Variants in ZSCAN26 observed in about 807,000 individuals in gnomAD.
The protein encoded by ZSCAN26 is zinc finger and SCAN domain-containing protein 26.
ZSCAN26 carries 26 observed loss-of-function variants against 23.0 expected under a neutral mutation model. The ratio of observed to expected loss-of-function variants is 1.13; its 90% CI spans 0.83 to 1.57. The LOEUF (loss-of-function observed/expected upper bound fraction) is 1.57. ZSCAN26 is among the 40% of genes most tolerant of loss of function. ZSCAN26 has a pLI of 0.00. For missense variants in ZSCAN26, 528 were observed against 568.5 expected, an observed-to-expected ratio of 0.93 and a Z score of 0.72; for synonymous variants, 180 against 202.5, an observed-to-expected ratio of 0.89 and a Z score of 0.94.
chr6:28,269,995 G>A (rs1761617279), intron 1 of ZSCAN26, among the ~76,000 whole-genome samples: 2 of 152,100 alleles, frequency 1.3e-5, no homozygotes, highest in Non-Finnish European at 2.9e-5. Flanking sequence ...CCAGGCTGGA[G>A]TGCAGTGGTG....
rs776209508 is a variant in ZSCAN26, at chr6:28,272,283, G to A, written c.364G>A (p.Val122Met). The change falls in exon 2 of 4, where the codon GTG becomes ATG. Residue 122 changes from valine to methionine, a missense_variant. Transcript: ENST00000421553. Reference sequence around the variant, plus strand: ...GCATCACCCAGAGAGCAGGGAGGACGTGGTTGTTGTTCTGGAGGATTTGCA... The same window carrying A: ...GCATCACCCAGAGAGCAGGGAGGACATGGTTGTTGTTCTGGAGGATTTGCA... ...QEHHPESRED[V>M]VVVLEDLQLD... 15 of 1,595,142 alleles carry A rather than the reference G, an allele frequency of 9.4e-6. No homozygotes were observed. Among genetic ancestry groups the A allele is most frequent in the Middle Eastern group, 1.7e-4 (1 of 6,014 alleles).
At position 28,277,091 on chromosome 6, in the gene ZSCAN26, G is replaced by A. The variant is rs765548403; in HGVS notation, c.1435G>A (p.Ala479Thr). ...HQRYHHKDKL[A>T] ...GAGATATCACCACAAAGACAAACTG[G>A]CTTGATGAGGTGTTCTCTCCTTGTA... Residue 479 changes from alanine (A) to threonine (T), a missense_variant, in exon 4 of 4, where the codon GCT (alanine) becomes ACT (threonine). Physicochemically the swap from Ala to Thr is moderately conservative, Grantham distance 58. Transcript: ENST00000421553. 1.2e-6 allele frequency: 2 copies of A among 1,611,472 alleles called. No homozygotes were observed. The highest frequency in any genetic ancestry group is 1.7e-6 in the Non-Finnish European group (2 of 1,179,090).
At chr6:28,272,825 G>A in intron 3 of ZSCAN26, 38 bp downstream of exon 3, 1 of 1,550,460 alleles carries the variant, frequency 6.4e-7, no homozygotes, top group South Asian at 1.1e-5. Flanking sequence ...GTGAGACGTG[G>A]TGGACTGTGC....
rs767081773 is a variant in ZSCAN26, at chr6:28,276,317, AG to A, written c.663del (p.Arg221SerfsTer27). On this transcript the variant is annotated frameshift_variant, in exon 4 of 4. Coordinates refer to ENST00000421553, the MANE Select transcript of ZSCAN26 (RefSeq NM_001023560.4). LOFTEE classifies it low-confidence loss of function (END_TRUNC). Reference protein sequence around the residue: ...EAHNEGSNLERHQAKPKEKIE... With the variant: ...EAHNEGSNLEXHQAKPKEKIE... Reference sequence around the variant, plus strand: ...TCATAATGAGGGCTCTAACTTGGAAAGGCATCAGGCCAAGCCCAAAGAGAAG... The same window carrying A: ...TCATAATGAGGGCTCTAACTTGGAAAGCATCAGGCCAAGCCCAAAGAGAAG... 1 of 1,613,914 alleles carries A rather than the reference AG, an allele frequency of 6.2e-7. No individual in the cohort carries two copies.
rs1207611202 is a variant in ZSCAN26 at position 28,277,445 on chromosome 6, G to T, written c.*349G>T. 4.2e-6 allele frequency: 1 copy of T among 238,468 alleles called. No homozygotes were observed. Among genetic ancestry groups the T allele is most frequent in the African/African-American group, 2.3e-5 (1 of 44,218 alleles). 14.8% of individuals were successfully genotyped at this position (238,468 alleles called of 1,614,324 possible). The stretch of plus-strand genomic sequence containing the variant: ...GAATCAAGTGCCCACAGATTTGCAG[G>T]CTTAAGCAGAACAAGGGAAGATTGA... On this transcript the variant is annotated 3_prime_UTR_variant, in exon 4 of 4. Coordinates refer to ENST00000421553, the MANE Select transcript of ZSCAN26 (RefSeq NM_001023560.4).
At chr6:28,274,601 G>A (rs996841097) in intron 3 of ZSCAN26, among the ~76,000 whole-genome samples, 3 of 152,156 alleles carry the variant, frequency 2.0e-5, no homozygotes, top group Non-Finnish European at 4.4e-5. Flanking sequence ...ATAGCTAGGC[G>A]TGGTGGCATG....
intron 1 of ZSCAN26, among the ~76,000 whole-genome samples, chr6:28,271,166 T>C (rs916331103): frequency 6.6e-6 from 1 of 152,164 alleles, no homozygotes; most frequent in Admixed American, 6.5e-5. Flanking sequence ...TATTGTCTTT[T>C]TTCTCCTCCT....
chr6:28,277,465 G>T lies in ZSCAN26; in HGVS notation c.*369G>T, dbSNP rs1581621149. On this transcript the variant is annotated 3_prime_UTR_variant, in exon 4 of 4. Transcript: ENST00000421553. ...TGCAGGCTTAAGCAGAACAAGGGAA[G>T]ATTGATATTTTTGGATATGCTATAG... 9.8e-6 allele frequency: 2 copies of T among 203,404 alleles called. No individual in the cohort carries two copies. Among genetic ancestry groups the T allele is most frequent in the East Asian group, 2.3e-4 (2 of 8,536 alleles). The allele number at this position is 203,404 out of a possible 1,614,324, so 12.6% of individuals were successfully genotyped here.
In ZSCAN26 at chr6:28,272,769, A is replaced by G. The variant is rs2113719898; in HGVS notation, c.520A>G (p.Lys174Glu). ...QQVRHECEVTKPEKEKGEETR... is the reference protein window; with the variant it reads ...QQVRHECEVTEPEKEKGEETR... The stretch of plus-strand genomic sequence containing the variant: ...GGTTCGGCATGAGTGTGAAGTTACA[A>G]AGCCTGAGAAAGAGAAGGGTAAGAA... The change falls in exon 3 of 4, where the codon AAG becomes GAG. Residue 174 changes from lysine (K) to glutamate (E), a missense_variant. By Grantham distance (56) the Lys-to-Glu change is moderately conservative. Transcript: ENST00000421553. The G allele has an allele frequency of 4.3e-6, 7 of 1,613,092 alleles. No individual in the cohort carries two copies. Among genetic ancestry groups the G allele is most frequent in the Non-Finnish European group, 4.2e-6 (5 of 1,179,494 alleles).
intron 3 of ZSCAN26, among the ~76,000 whole-genome samples, chr6:28,273,543 AAAAC>A (rs936926016): frequency 2.8e-5 from 4 of 144,320 alleles, no homozygotes; most frequent in Non-Finnish European, 6.0e-5. Context: ...TCTGTCTCAA[AAAAC>A]AAACAAACAA....
rs1228633845 is a variant in ZSCAN26 at position 28,272,142 on chromosome 6, C to A, written c.223C>A (p.Leu75Ile). 6.2e-7 allele frequency: 1 copy of A among 1,612,280 alleles called. No individual in the cohort carries two copies. Among genetic ancestry groups the A allele is most frequent in the Non-Finnish European group, 8.5e-7 (1 of 1,179,228 alleles). The change falls in exon 2 of 4, where the codon CTC becomes ATC. Residue 75 changes from leucine to isoleucine, a missense_variant. Transcript: ENST00000421553. ...PREALSRLRE[L>I]CQQWLQPETH... ...AGAAGCACTAAGTCGGCTCCGGGAG[C>A]TCTGTCAACAGTGGCTACAGCCCGA...
In ZSCAN26 at chr6:28,277,630, C is replaced by T. The variant is rs1327857757; in HGVS notation, c.*534C>T. On this transcript the variant is annotated 3_prime_UTR_variant, in exon 4 of 4. Transcript: ENST00000421553. Reference sequence around the variant, plus strand: ...CTCCCACTGGCCTTACCCCTTCCTTCCCCAGTGGAAGCATTTTCAAAAGCA... The same window carrying T: ...CTCCCACTGGCCTTACCCCTTCCTTTCCCAGTGGAAGCATTTTCAAAAGCA... 1 of 152,268 alleles carries T rather than the reference C, an allele frequency of 6.6e-6. No homozygotes were observed. The highest frequency in any genetic ancestry group is 1.5e-5 in the Non-Finnish European group (1 of 68,072). The allele number at this position is 152,268 out of a possible 1,614,324, so 9.4% of individuals were successfully genotyped here.
In ZSCAN26 at chr6:28,277,215, G is replaced by C. The variant is rs1581620832; in HGVS notation, c.*119G>C. 1 of 988,886 alleles carries C rather than the reference G, an allele frequency of 1.0e-6. No homozygotes were observed. The highest frequency in any genetic ancestry group is 1.5e-6 in the Non-Finnish European group (1 of 672,124). The allele number at this position is 988,886 out of a possible 1,614,324, so 61.3% of individuals were successfully genotyped here. A position where few individuals can be genotyped will look rare whatever the true frequency, so the allele number is the denominator to read the frequency against. ...AAAATTCTTGGGGGCTGAGTTGGAG[G>C]CTCCCTGCCTCTATTCTCTCTCCTT... is the stretch of plus-strand genomic sequence containing the variant. On this transcript the variant is annotated 3_prime_UTR_variant, in exon 4 of 4. Coordinates refer to ENST00000421553, the MANE Select transcript of ZSCAN26 (RefSeq NM_001023560.4).
chr6:28,272,129 T>A lies in ZSCAN26; in HGVS notation c.210T>A (p.Ser70Arg). The A allele has an allele frequency of 6.2e-7, 1 of 1,607,772 alleles. No individual in the cohort carries two copies. ...CCACAGGACCTCGAGAAGCACTAAG[T>A]CGGCTCCGGGAGCTCTGTCAACAGT... ...EETTGPREAL[S>R]RLRELCQQWL... is the part of the protein sequence containing the mutation. Residue 70 changes from serine to arginine, a missense_variant, in exon 2 of 4, where the codon AGT (serine) becomes AGA (arginine). Physicochemically the swap from Ser to Arg is moderately radical, Grantham distance 110. Coordinates refer to ENST00000421553, the MANE Select transcript of ZSCAN26 (RefSeq NM_001023560.4).
At chr6:28,275,824 T>TG (rs1184080959) in intron 3 of ZSCAN26, among the ~76,000 whole-genome samples, 4 of 152,238 alleles carry the variant, frequency 2.6e-5, no homozygotes. Flanking sequence ...TTATGGGCCC[T>TG]GGGGGCCTCA....
At chr6:28,276,097 C>T in intron 3 of ZSCAN26, 98 bp from the exon 4 acceptor site, 2 of 1,115,084 alleles carry the variant, frequency 1.8e-6, no homozygotes, top group Non-Finnish European at 2.5e-6. Flanking sequence ...TTACTTTGCA[C>T]ACATGGCTTC....
rs767368225 is a variant in ZSCAN26 at position 28,272,126 on chromosome 6, A to G, written c.207A>G (p.Leu69=). 3 of 1,607,042 alleles carry G rather than the reference A, an allele frequency of 1.9e-6. No individual in the cohort carries two copies. The highest frequency in any genetic ancestry group is 1.1e-5 in the South Asian group (1 of 89,930). The part of the protein sequence containing the change: ...YEETTGPREA[L]SRLRELCQQW... ...AGACCACAGGACCTCGAGAAGCACT[A>G]AGTCGGCTCCGGGAGCTCTGTCAAC... The change falls in exon 2 of 4, where the codon CTA becomes CTG. Residue 69 remains leucine, a synonymous_variant. Coordinates refer to ENST00000421553, the MANE Select transcript of ZSCAN26 (RefSeq NM_001023560.4).
At chr6:28,274,332 C>G (rs1308724769) in intron 3 of ZSCAN26, among the ~76,000 whole-genome samples, 1 of 152,194 alleles carries the variant, frequency 6.6e-6, no homozygotes, top group Non-Finnish European at 1.5e-5. Context: ...AATTACCTTT[C>G]TTCTGGGAGC....
At chr6:28,275,889 G>A (rs796380862) in intron 3 of ZSCAN26, among the ~76,000 whole-genome samples, 11 of 152,210 alleles carry the variant, frequency 7.2e-5, no homozygotes, top group African/African-American at 2.4e-4. Flanking sequence ...AGACTGTACA[G>A]CCATGCCCTT....
Sources: gnomAD v4.1 joint callset for allele counts (sites outside exome capture counted in the v4.1 genomes callset) on GRCh38, gnomAD v4.1.1 for gene constraint, MANE v1.5 for transcripts, NCBI Gene and HGNC (gene_info 2026-07-23, HGNC 2026-07-21) for gene names.